Variants in NPAS3 observed in about 807,000 individuals in gnomAD.
The protein encoded by NPAS3 is neuronal PAS domain-containing protein 3.
NPAS3 carries 14 observed loss-of-function variants against 73.1 expected under a neutral mutation model. That is an observed-to-expected ratio of 0.19 (90% CI 0.13 to 0.30). NPAS3 has a LOEUF of 0.30. Among genes scored for constraint, NPAS3 ranks in the 10% least tolerant of loss-of-function variants. The pLI, the probability that NPAS3 is intolerant of heterozygous loss-of-function variation, is 1.00. For synonymous variants in NPAS3, 620 were observed against 541.5 expected (o/e 1.14, Z -2.01); for missense variants, 1,096 against 1,250.0 (o/e 0.88, Z 1.86).
chr14:33,210,822 T>C (rs2047003872), intron 2 of NPAS3, among the ~76,000 whole-genome samples: 1 of 152,152 alleles, frequency 6.6e-6, no homozygotes, highest in African/African-American at 2.4e-5. Flanking sequence ...TCTTTAAGCA[T>C]CCACTAATTA....
intron 1 of NPAS3, among the ~76,000 whole-genome samples, chr14:32,964,644 T>C (rs544480630): frequency 1.3e-5 from 2 of 152,306 alleles, no homozygotes; most frequent in African/African-American, 4.8e-5. Flanking sequence ...AGAAAGGTTA[T>C]ACATTTTAAA....
At chr14:32,956,410 A>G (rs1048876788) in intron 1 of NPAS3, among the ~76,000 whole-genome samples, 5 of 152,214 alleles carry the variant, frequency 3.3e-5, no homozygotes, top group African/African-American at 1.2e-4. Flanking sequence ...GCAAGGTTAC[A>G]TGAAATAACC....
intron 5 of NPAS3, among the ~76,000 whole-genome samples, chr14:33,580,656 A>G (rs762411166): frequency 1.4e-4 from 21 of 152,128 alleles, no homozygotes; most frequent in Non-Finnish European, 2.6e-4. Flanking sequence ...TTACGACTAT[A>G]AAACAAAATT....
At chr14:33,299,972 G>A (rs578098632) in intron 3 of NPAS3, among the ~76,000 whole-genome samples, 14 of 152,270 alleles carry the variant, frequency 9.2e-5, no homozygotes, top group South Asian at 8.3e-4. Flanking sequence ...ATTCAAAACC[G>A]TAGTACAGAG....
chr14:33,171,303 T>C (rs2045379541), intron 2 of NPAS3, among the ~76,000 whole-genome samples: 2 of 152,228 alleles, frequency 1.3e-5, no homozygotes, highest in African/African-American at 4.8e-5. Flanking sequence ...GTTCCATTCC[T>C]TGAGCACAGG....
At chr14:33,519,819 C>G (rs1187864309) in intron 4 of NPAS3, among the ~76,000 whole-genome samples, 1 of 152,118 alleles carries the variant, frequency 6.6e-6, no homozygotes, top group East Asian at 1.9e-4. Flanking sequence ...TGTTTGAACC[C>G]AGATAATACT....
intron 1 of NPAS3, among the ~76,000 whole-genome samples, chr14:33,039,550 G>C (rs182909652): frequency 1.4e-4 from 21 of 152,228 alleles, no homozygotes; most frequent in Admixed American, 1.4e-3. Context: ...GTGTGAAATC[G>C]ATACACTATC....
chr14:33,785,012 C>T (rs8009687), intron 9 of NPAS3, among the ~76,000 whole-genome samples: 1 of 151,060 alleles, frequency 6.6e-6, no homozygotes, highest in Non-Finnish European at 1.5e-5. Context: ...GGCCTCCCAA[C>T]GGGCTGGGAT....
intron 3 of NPAS3, among the ~76,000 whole-genome samples, chr14:33,271,968 C>CT (rs1248194145): frequency 6.6e-6 from 1 of 151,706 alleles, no homozygotes; most frequent in Non-Finnish European, 1.5e-5. Flanking sequence ...TCTGTTTTTT[C>CT]TTTTTTCCAA....
At chr14:33,373,291 A>G (rs2046172597) in intron 4 of NPAS3, among the ~76,000 whole-genome samples, 1 of 152,114 alleles carries the variant, frequency 6.6e-6, no homozygotes, top group Non-Finnish European at 1.5e-5. Flanking sequence ...ATGCTGCTTT[A>G]CTCACCTCAC....
At chr14:33,733,246 T>C (rs1230229123) in intron 6 of NPAS3, among the ~76,000 whole-genome samples, 1 of 151,890 alleles carries the variant, frequency 6.6e-6, no homozygotes, top group Non-Finnish European at 1.5e-5. Flanking sequence ...CTTTTCCATT[T>C]CCACCAGGAT....
chr14:33,622,850 C>CTTGACT (rs2058115382), intron 5 of NPAS3, among the ~76,000 whole-genome samples: 1 of 152,118 alleles, frequency 6.6e-6, no homozygotes, highest in Non-Finnish European at 1.5e-5. Context: ...CCCAATCAGT[C>CTTGACT]AAGAATGCAT....
At chr14:33,027,753 A>G (rs1959174) in intron 1 of NPAS3, among the ~76,000 whole-genome samples, 27,890 of 152,080 alleles carry the variant, frequency 0.18, 3,070 homozygotes, top group East Asian at 0.29. Context: ...AAGTGAATTT[A>G]CAAGGGGCAG....
chr14:32,997,224 A>G (rs7140542), intron 1 of NPAS3, among the ~76,000 whole-genome samples: 4,835 of 152,236 alleles, frequency 0.032, 166 homozygotes, highest in African/African-American at 0.093. Flanking sequence ...CTGTACCTCC[A>G]TTGTTTCTAG....
At chr14:33,219,367 G>A (rs2047340303) in intron 3 of NPAS3, among the ~76,000 whole-genome samples, 1 of 152,080 alleles carries the variant, frequency 6.6e-6, no homozygotes, top group Non-Finnish European at 1.5e-5. Context: ...TATTAATCTA[G>A]GAATATTTAC....
intron 3 of NPAS3, among the ~76,000 whole-genome samples, chr14:33,349,255 T>TCGA (rs2044903808): frequency 1.3e-5 from 2 of 152,238 alleles, no homozygotes; most frequent in South Asian, 4.1e-4. Flanking sequence ...AGCCTATTTA[T>TCGA]ACTGTTAAAA....
intron 4 of NPAS3, among the ~76,000 whole-genome samples, chr14:33,500,365 A>G (rs774011293): frequency 1.3e-5 from 2 of 151,924 alleles, no homozygotes; most frequent in Non-Finnish European, 2.9e-5. Context: ...GTAGGTTTAT[A>G]TGCTCCGAGG....
chr14:33,657,768 G>C (rs1180045291), intron 5 of NPAS3, among the ~76,000 whole-genome samples: 4 of 150,120 alleles, frequency 2.7e-5, no homozygotes, highest in Admixed American at 2.0e-4. Context: ...AAATACACAG[G>C]CATTAATTAT....
intron 1 of NPAS3, among the ~76,000 whole-genome samples, chr14:33,023,194 C>G (rs1231118744): frequency 6.6e-6 from 1 of 152,176 alleles, no homozygotes; most frequent in Non-Finnish European, 1.5e-5. Context: ...TTTCACATCT[C>G]TGACACAAAC....
Sources: gnomAD v4.1 joint callset for allele counts (sites outside exome capture counted in the v4.1 genomes callset) on GRCh38, gnomAD v4.1.1 for gene constraint, MANE v1.5 for transcripts, NCBI Gene and HGNC (gene_info 2026-07-23, HGNC 2026-07-21) for gene names.